CNKSR3: variants seen among roughly 807,000 people sequenced by gnomAD.
CNKSR3 encodes the protein connector enhancer of kinase suppressor of ras 3.
CNKSR3 carries 36 observed loss-of-function variants against 67.7 expected under a neutral mutation model. The ratio of observed to expected loss-of-function variants is 0.53; its 90% CI spans 0.41 to 0.70. The LOEUF (loss-of-function observed/expected upper bound fraction) is 0.70. Ranked by LOEUF, CNKSR3 falls within the 30% of genes least tolerant of loss-of-function variation. The pLI, the probability that CNKSR3 is intolerant of heterozygous loss-of-function variation, is 0.00. For missense variants in CNKSR3, 630 were observed against 695.2 expected (o/e 0.91, Z 1.05); for synonymous variants, 281 against 271.4 (o/e 1.04, Z -0.35).
chr6:154,500,256 A>AAC (rs5881088), intron 1 of CNKSR3, among the ~76,000 whole-genome samples: 22,492 of 147,212 alleles, frequency 0.15, 1,762 homozygotes, highest in Admixed American at 0.2. Context: ...TAAAATTAGA[A>AAC]ACACACACAC....
intron 1 of CNKSR3, among the ~76,000 whole-genome samples, chr6:154,461,482 A>T (rs964984016): frequency 3.3e-5 from 5 of 152,244 alleles, no homozygotes; most frequent in African/African-American, 1.2e-4. Context: ...TATACAGGCC[A>T]GGAGAAACAG....
chr6:154,489,211 T>G (rs1786734214), intron 1 of CNKSR3, among the ~76,000 whole-genome samples: 1 of 152,142 alleles, frequency 6.6e-6, no homozygotes, highest in Non-Finnish European at 1.5e-5. Flanking sequence ...GCTCACTGTA[T>G]GTATTTTCAA....
chr6:154,419,000 G>C (rs1785079398), intron 9 of CNKSR3, among the ~76,000 whole-genome samples: 1 of 148,298 alleles, frequency 6.7e-6, no homozygotes, highest in Admixed American at 6.7e-5. Context: ...TTTAAAAATG[G>C]GTAAAGGACC....
rs568941973 is a variant in CNKSR3, at chr6:154,451,132, G to A, written c.53-874C>T. 3.6e-3 allele frequency among the ~76,000 whole-genome samples: 274 copies of A among 76,948 alleles called. 1 individual carries two copies. The highest frequency in any genetic ancestry group is 0.014 in the African/African-American group (253 of 17,516). 50.5% of individuals were successfully genotyped at this position (76,948 alleles called of 152,430 possible). On this transcript the variant is annotated intron_variant, in intron 1 of 12. Transcript: ENST00000607772. ...CCACATAGAAAGGCATGGTAAATGG[G>A]TTCGCTTACGGGAATTTTTCCAGGT...
At chr6:154,473,746 T>TA (rs1562349163) in intron 1 of CNKSR3, among the ~76,000 whole-genome samples, 1 of 152,072 alleles carries the variant, frequency 6.6e-6, no homozygotes, top group Non-Finnish European at 1.5e-5. Flanking sequence ...CTGTGCAACT[T>TA]AGACAATCAC....
At chr6:154,423,121 C>CGGCGA in intron 7 of CNKSR3, 138 bp from the exon 8 acceptor site, 1 of 633,310 alleles carries the variant, frequency 1.6e-6, no homozygotes, top group Non-Finnish European at 2.8e-6. Flanking sequence ...GCACTTTATT[C>CGGCGA]CCCTGAGACT....
intron 2 of CNKSR3, among the ~76,000 whole-genome samples, chr6:154,444,408 G>A (rs1488028991): frequency 1.3e-5 from 2 of 152,078 alleles, no homozygotes; most frequent in Non-Finnish European, 2.9e-5. Flanking sequence ...TGCATCTAGG[G>A]CACAAGCTTT....
intron 9 of CNKSR3, among the ~76,000 whole-genome samples, chr6:154,422,297 T>C (rs1785162327): frequency 6.6e-6 from 1 of 152,230 alleles, no homozygotes; most frequent in Admixed American, 6.5e-5. Flanking sequence ...GGCCTCATTC[T>C]TTAAATAGTC....
chr6:154,409,141 T>C (rs563712159), intron 12 of CNKSR3, among the ~76,000 whole-genome samples: 2 of 152,324 alleles, frequency 1.3e-5, no homozygotes, highest in East Asian at 1.9e-4. Context: ...ACAGGTGATA[T>C]GGGTACTTAG....
chr6:154,504,601 C>T (rs1787060324), intron 1 of CNKSR3, among the ~76,000 whole-genome samples: 1 of 152,210 alleles, frequency 6.6e-6, no homozygotes, highest in Admixed American at 6.5e-5. Context: ...AGGAGAGCCC[C>T]AAGGAGACCA....
At chr6:154,487,162 T>C (rs1276383704) in intron 1 of CNKSR3, among the ~76,000 whole-genome samples, 1 of 152,244 alleles carries the variant, frequency 6.6e-6, no homozygotes, top group Non-Finnish European at 1.5e-5. Flanking sequence ...TTACCATTCC[T>C]CTCACCAATG....
intron 1 of CNKSR3, among the ~76,000 whole-genome samples, chr6:154,489,558 AC>A: frequency 6.6e-6 from 1 of 151,920 alleles, no homozygotes; most frequent in Admixed American, 6.6e-5. Context: ...AAACAAACAA[AC>A]AAAGTCACTC....
At chr6:154,437,944 G>A (rs562560322) in intron 4 of CNKSR3, among the ~76,000 whole-genome samples, 34 of 152,120 alleles carry the variant, frequency 2.2e-4, no homozygotes, top group African/African-American at 7.7e-4. Flanking sequence ...CAAGTACAAG[G>A]CAAGATTTTT....
intron 1 of CNKSR3, among the ~76,000 whole-genome samples, chr6:154,487,678 G>A (rs1302176899): frequency 6.6e-6 from 1 of 152,182 alleles, no homozygotes; most frequent in Non-Finnish European, 1.5e-5. Context: ...ATCCCTAAAA[G>A]TAAAACAATT....
chr6:154,505,880 C>G (rs1279149030), intron 1 of CNKSR3, among the ~76,000 whole-genome samples: 1 of 152,150 alleles, frequency 6.6e-6, no homozygotes, highest in Non-Finnish European at 1.5e-5. Flanking sequence ...GACAACCAGT[C>G]CCACGTCTTC....
chr6:154,490,444 A>G (rs1786763075), intron 1 of CNKSR3, among the ~76,000 whole-genome samples: 1 of 152,252 alleles, frequency 6.6e-6, no homozygotes, highest in Non-Finnish European at 1.5e-5. Context: ...TATATGATAT[A>G]TAATATGCAT....
intron 1 of CNKSR3, among the ~76,000 whole-genome samples, chr6:154,470,541 C>T (rs1374896482): frequency 6.6e-6 from 1 of 152,156 alleles, no homozygotes; most frequent in Non-Finnish European, 1.5e-5. Flanking sequence ...ATACAATATG[C>T]AACCTTTTAT....
chr6:154,495,356 CTTT>C lies in CNKSR3; in HGVS notation c.52+14704_52+14706del, dbSNP rs149762490. 6.2e-3 allele frequency among the ~76,000 whole-genome samples: 798 copies of C among 129,610 alleles called. 3 individuals carry two copies. Among genetic ancestry groups the C allele is most frequent in the Non-Finnish European group, 9.2e-3 (559 of 60,666 alleles). 85.0% of individuals were successfully genotyped at this position (129,610 alleles called of 152,430 possible). On this transcript the variant is annotated intron_variant, in intron 1 of 12. Transcript: ENST00000607772. ...AGCAGCTCCTTCCCAGAATTCAACA[CTTT>C]TTTTTTTTTTTTTTTTTAAGAGAGA...
chr6:154,406,521 G>T lies in CNKSR3; in HGVS notation c.1501C>A (p.Arg501=). 6.2e-7 allele frequency: 1 copy of T among 1,614,188 alleles called. No homozygotes were observed. Among genetic ancestry groups the T allele is most frequent in the Non-Finnish European group, 8.5e-7 (1 of 1,180,022 alleles). Residue 501 remains arginine (R), a synonymous_variant, in exon 13 of 13, where the codon CGA becomes AGA. Coordinates refer to ENST00000607772, the MANE Select transcript of CNKSR3 (RefSeq NM_173515.4). ...RHLVRGADYI[R]GSRCYINSDL... ...GAGTTGATGTAGCACCTGCTTCCTC[G>T]GATGTAGTCCGCACCCCGGACCAGA...
Sources: gnomAD v4.1 joint callset for allele counts (sites outside exome capture counted in the v4.1 genomes callset) on GRCh38, gnomAD v4.1.1 for gene constraint, MANE v1.5 for transcripts, NCBI Gene and HGNC (gene_info 2026-07-23, HGNC 2026-07-21) for gene names.